NCKAP5: variants seen among roughly 807,000 people sequenced by gnomAD.
The protein encoded by NCKAP5 is NCK associated protein 5, also known as nck-associated protein 5.
Under a neutral mutation model 167.0 loss-of-function variants are expected in NCKAP5, and 92 were observed. The observed-to-expected ratio is 0.55, with a 90% CI of 0.47 to 0.66. The LOEUF (loss-of-function observed/expected upper bound fraction) is 0.66, where lower values mean the gene tolerates loss of function less well. Ranked by LOEUF, NCKAP5 falls within the 30% of genes least tolerant of loss-of-function variation. NCKAP5 has a pLI of 0.00. For missense variants in NCKAP5, 2,378 were observed against 2,315.0 expected, an observed-to-expected ratio of 1.03 and a Z score of -0.56; for synonymous variants, 891 against 877.4, an observed-to-expected ratio of 1.02 and a Z score of -0.27.
chr2:132,796,803 T>G, intron 11 of NCKAP5, 74 bp from the exon 12 acceptor site: 1 of 1,047,996 alleles, frequency 9.5e-7, no homozygotes, highest in Non-Finnish European at 1.4e-6. Context: ...CTTGGACAGT[T>G]AAATCTCAAA....
intron 6 of NCKAP5, among the ~76,000 whole-genome samples, chr2:133,100,138 C>T (rs770704199): frequency 3.9e-5 from 6 of 152,138 alleles, no homozygotes; most frequent in Admixed American, 1.3e-4. Context: ...CATGGGGATA[C>T]GTCAATAACT....
intron 11 of NCKAP5, among the ~76,000 whole-genome samples, chr2:132,839,712 C>G (rs555752549): frequency 7.6e-6 from 1 of 131,082 alleles, no homozygotes; most frequent in African/African-American, 3.0e-5. Flanking sequence ...GAACTTTGAT[C>G]ATGGCACTGC....
chr2:133,328,740 A>T (rs559893767), intron 3 of NCKAP5, among the ~76,000 whole-genome samples: 3 of 152,334 alleles, frequency 2.0e-5, no homozygotes, highest in Non-Finnish European at 4.4e-5. Context: ...TAATGAAAAA[A>T]ATATATAAAT....
At chr2:133,070,984 C>G in intron 6 of NCKAP5, among the ~76,000 whole-genome samples, 1 of 152,194 alleles carries the variant, frequency 6.6e-6, no homozygotes, top group East Asian at 1.9e-4. Flanking sequence ...CATGAAAGGT[C>G]ATCCTAGCTC....
chr2:133,525,360 T>C (rs1684784303), intron 2 of NCKAP5, among the ~76,000 whole-genome samples: 1 of 152,210 alleles, frequency 6.6e-6, no homozygotes, highest in Admixed American at 6.5e-5. Context: ...CGGTTGATGG[T>C]TTCAATGCCA....
intron 3 of NCKAP5, among the ~76,000 whole-genome samples, chr2:133,480,263 G>T (rs758631402): frequency 6.6e-6 from 1 of 152,098 alleles, no homozygotes; most frequent in African/African-American, 2.4e-5. Flanking sequence ...AATAGAGGAT[G>T]GTAGGGGGAA....
At chr2:132,734,416 G>A (rs533995429) in intron 16 of NCKAP5, among the ~76,000 whole-genome samples, 4 of 152,216 alleles carry the variant, frequency 2.6e-5, no homozygotes, top group African/African-American at 4.8e-5. Flanking sequence ...CATCAGAACC[G>A]ACTCAGTCTT....
chr2:133,212,258 T>C (rs1193267277), intron 5 of NCKAP5, among the ~76,000 whole-genome samples: 1 of 152,196 alleles, frequency 6.6e-6, no homozygotes, highest in Non-Finnish European at 1.5e-5. Flanking sequence ...ACCTAGCCCA[T>C]CAACATTTTG....
At chr2:133,111,592 C>G (rs2081914537) in intron 6 of NCKAP5, among the ~76,000 whole-genome samples, 1 of 152,128 alleles carries the variant, frequency 6.6e-6, no homozygotes, top group Non-Finnish European at 1.5e-5. Flanking sequence ...ACAAACACAC[C>G]CATGACCATC....
At chr2:132,996,169 A>G (rs1222106781) in intron 6 of NCKAP5, among the ~76,000 whole-genome samples, 2 of 152,154 alleles carry the variant, frequency 1.3e-5, no homozygotes, top group Non-Finnish European at 2.9e-5. Flanking sequence ...TGGCACATGA[A>G]TGTGCTTCCT....
At chr2:133,248,894 G>T (rs1297495363) in intron 4 of NCKAP5, among the ~76,000 whole-genome samples, 2 of 152,128 alleles carry the variant, frequency 1.3e-5, no homozygotes, top group Non-Finnish European at 2.9e-5. Flanking sequence ...CTTATCCTGA[G>T]AAAAATCATC....
chr2:132,686,693 C>T (rs114474528), intron 19 of NCKAP5, among the ~76,000 whole-genome samples: 265 of 152,242 alleles, frequency 1.7e-3, no homozygotes, highest in African/African-American at 6.1e-3. Context: ...TCCTTGAAAG[C>T]GATTGAATTC....
At chr2:133,114,120 G>C (rs1457256852) in intron 6 of NCKAP5, among the ~76,000 whole-genome samples, 1 of 152,158 alleles carries the variant, frequency 6.6e-6, no homozygotes, top group East Asian at 1.9e-4. Flanking sequence ...TAAATATTAG[G>C]AGTAGGACTG....
At chr2:133,081,895 C>T (rs780464516) in intron 6 of NCKAP5, among the ~76,000 whole-genome samples, 4 of 152,114 alleles carry the variant, frequency 2.6e-5, no homozygotes, top group Non-Finnish European at 5.9e-5. Context: ...ACAGTTTTAA[C>T]ATTTTAGTTT....
chr2:133,642,435 C>G, the NCKAP5 span, among the ~76,000 whole-genome samples: 1 of 152,134 alleles, frequency 6.6e-6, no homozygotes, highest in African/African-American at 2.4e-5. Flanking sequence ...TATAGAAAGC[C>G]TTGTCTTCAG....
chr2:132,693,576 G>C (rs184913025), intron 19 of NCKAP5, among the ~76,000 whole-genome samples: 30 of 148,602 alleles, frequency 2.0e-4, no homozygotes, highest in African/African-American at 7.3e-4. Flanking sequence ...CAGACGTCTA[G>C]GCTCCAGAAA....
intron 4 of NCKAP5, among the ~76,000 whole-genome samples, chr2:133,287,695 A>T (rs1176272605): frequency 6.6e-6 from 1 of 152,208 alleles, no homozygotes; most frequent in East Asian, 1.9e-4. Context: ...GATATACATC[A>T]TTATGTATAC....
intron 8 of NCKAP5, among the ~76,000 whole-genome samples, chr2:132,955,718 T>C (rs1368968442): frequency 1.3e-5 from 2 of 152,206 alleles, no homozygotes; most frequent in Non-Finnish European, 2.9e-5. Flanking sequence ...TTCTAGATCC[T>C]TGAGGAATCG....
intron 4 of NCKAP5, among the ~76,000 whole-genome samples, chr2:133,276,223 C>T (rs576174280): frequency 1.6e-4 from 25 of 152,170 alleles, no homozygotes; most frequent in African/African-American, 5.3e-4. Flanking sequence ...ACATAACATA[C>T]AAAATATGTG....
Sources: allele counts gnomAD v4.1 joint callset (sites outside exome capture counted in the v4.1 genomes callset), GRCh38; gene constraint gnomAD v4.1.1; transcripts MANE v1.5; gene names NCBI Gene and HGNC (gene_info 2026-07-23, HGNC 2026-07-21).